The following CMIP variants were observed in gnomAD, a reference collection of about 807,000 sequenced individuals.
CMIP encodes c-Maf inducing protein.
A neutral mutation model predicts 97.3 loss-of-function variants in CMIP; 13 were observed. The observed-to-expected ratio is 0.13, with a 90% confidence interval of 0.09 to 0.21. The LOEUF (loss-of-function observed/expected upper bound fraction) is 0.21, where lower values mean the gene tolerates loss of function less well. Ranked by LOEUF, CMIP falls within the 10% of genes least tolerant of loss-of-function variation. The pLI is 1.00. For synonymous variants in CMIP, 538 were observed against 436.3 expected (o/e 1.23, Z -2.91); for missense variants, 847 against 1,024.9 (o/e 0.83, Z 2.37).
intron 1 of CMIP, among the ~76,000 whole-genome samples, chr16:81,503,161 C>G (rs971918609): frequency 6.6e-6 from 1 of 152,150 alleles, no homozygotes; most frequent in African/African-American, 2.4e-5. Flanking sequence ...CAATACTGTC[C>G]CAATTATACT....
At chr16:81,701,522 C>T in intron 15 of CMIP, 138 bp from the exon 16 acceptor site, 1 of 1,208,576 alleles carries the variant, frequency 8.3e-7, no homozygotes, top group Non-Finnish European at 1.2e-6. Flanking sequence ...GGTGATTTGC[C>T]CAGGCTTACA....
intron 10 of CMIP, among the ~76,000 whole-genome samples, chr16:81,683,756 C>CTTTTTTTTTTTTTT (rs71272426): frequency 7.4e-5 from 6 of 81,612 alleles, no homozygotes; most frequent in Non-Finnish European, 1.2e-4. Context: ...TTTTCTTTTT[C>CTTTTTTTTTTTTTT]TTTTTTTTTT....
rs2092443986 is a variant in CMIP at position 81,652,895 on chromosome 16, C to A, written c.639+531C>A. On this transcript the variant is annotated intron_variant, in intron 4 of 20. Transcript: ENST00000537098. This position sits in a 1 kb window ranked among gnomAD's most constrained non-coding sequence, Gnocchi z 5.2. ...CCTCCTGTGCCATCTGCTTTGCTGG[C>A]CTCCTCGCATATTGAATGTGTGCTT... Among the ~76,000 whole-genome samples, 2 of 152,258 alleles carry A rather than the reference C, an allele frequency of 1.3e-5. No homozygotes were observed. Among genetic ancestry groups the A allele is most frequent in the South Asian group, 2.1e-4 (1 of 4,824 alleles).
chr16:81,621,154 C>T lies in CMIP; in HGVS notation c.477+228C>T, dbSNP rs867269187. 2.0e-6 allele frequency: 1 copy of T among 492,462 alleles called. No homozygotes were observed. The highest frequency in any genetic ancestry group is 3.7e-6 in the Non-Finnish European group (1 of 272,504). The allele number at this position is 492,462 out of a possible 1,614,324, so 30.5% of individuals were successfully genotyped here. ...CATTCTCGCCCTGGTGTTCTCAAAC[C>T]CTATAGCTGTTTTCCTGCTTCAAAA... On this transcript the variant is annotated intron_variant, in intron 3 of 20. Coordinates refer to ENST00000537098, the MANE Select transcript of CMIP (RefSeq NM_198390.3). The surrounding 1 kb of genome is among the most constrained non-coding windows in gnomAD (Gnocchi z 4.1).
At chr16:81,582,318 GC>G (rs2091309897) in intron 1 of CMIP, among the ~76,000 whole-genome samples, 1 of 151,614 alleles carries the variant, frequency 6.6e-6, no homozygotes. Context: ...TATTTTTTTT[GC>G]CAACTTGCCA....
At chr16:81,526,121 T>C (rs2090129950) in intron 1 of CMIP, among the ~76,000 whole-genome samples, 1 of 152,198 alleles carries the variant, frequency 6.6e-6, no homozygotes, top group Non-Finnish European at 1.5e-5. Flanking sequence ...AGTATCTTTT[T>C]GCATCCCTGC....
intron 2 of CMIP, among the ~76,000 whole-genome samples, chr16:81,609,648 G>A (rs2091799245): frequency 6.6e-6 from 1 of 152,230 alleles, no homozygotes; most frequent in African/African-American, 2.4e-5. Context: ...GGCCTGGGGG[G>A]CCAAAGCAGG....
In CMIP at chr16:81,666,969, TG is replaced by T. The variant is rs35053029; in HGVS notation, c.825+2630del. On this transcript the variant is annotated intron_variant, in intron 7 of 20. Transcript: ENST00000537098. ...GTGGAGCTGGGGCTCTCAGCTGGTG[TG>T]GGGGGGGGGTCATGTCTCTGGCTAA... 4.0e-3 allele frequency: 559 copies of T among 139,874 alleles called. 4 individuals are homozygous for T. The highest frequency in any genetic ancestry group is 0.011 in the African/African-American group (414 of 37,424). The allele number at this position is 139,874 out of a possible 1,614,324, so 8.7% of individuals were successfully genotyped here.
At chr16:81,594,480 G>A (rs930051682) in intron 1 of CMIP, among the ~76,000 whole-genome samples, 8 of 151,858 alleles carry the variant, frequency 5.3e-5, no homozygotes, top group Non-Finnish European at 1.0e-4. Context: ...TGATTTCACC[G>A]TACAGCAGTC....
chr16:81,602,617 G>A (rs574583751), intron 1 of CMIP, among the ~76,000 whole-genome samples: 1 of 152,314 alleles, frequency 6.6e-6, no homozygotes, highest in South Asian at 2.1e-4. Context: ...CCATGGGTGT[G>A]ATTTCAGCCC....
chr16:81,626,788 AGT>A (rs1035341441), intron 3 of CMIP, among the ~76,000 whole-genome samples: 182 of 63,136 alleles, frequency 2.9e-3, no homozygotes, highest in South Asian at 6.3e-3. Context: ...AGAGAGAGAG[AGT>A]GTGTGTGTGT....
intron 3 of CMIP, among the ~76,000 whole-genome samples, chr16:81,649,955 A>ATT (rs893524503): frequency 1.5e-4 from 23 of 152,166 alleles, no homozygotes; most frequent in Non-Finnish European, 1.6e-4. Context: ...TTGCACAGAT[A>ATT]TTTCATCGTG....
chr16:81,685,688 G>A (rs866326987), intron 10 of CMIP, among the ~76,000 whole-genome samples: 31 of 150,900 alleles, frequency 2.1e-4, no homozygotes, highest in African/African-American at 7.3e-4. Flanking sequence ...GGGACTACAG[G>A]TGCACACCAC....
intron 1 of CMIP, among the ~76,000 whole-genome samples, chr16:81,606,729 T>C (rs1029288704): frequency 2.6e-5 from 4 of 152,046 alleles, no homozygotes; most frequent in Non-Finnish European, 5.9e-5. Flanking sequence ...CAACAGATAA[T>C]GACACAGAAT....
chr16:81,577,645 C>T (rs930441540), intron 1 of CMIP, among the ~76,000 whole-genome samples: 1 of 151,360 alleles, frequency 6.6e-6, no homozygotes, highest in Non-Finnish European at 1.5e-5. Context: ...CCATCATCAC[C>T]ATCACCTTCA....
rs748332193 is a variant in CMIP at position 81,445,586 on chromosome 16, C to G, written c.300+45C>G. 3.3e-5 allele frequency: 50 copies of G among 1,518,290 alleles called. No individual in the cohort carries two copies. The African/African-American group carries it at 4.7e-4, about 14-fold the overall frequency. 94.1% of individuals were successfully genotyped at this position (1,518,290 alleles called of 1,614,324 possible). ...TGCACCCCCGCCTCTCCTCGGGGCCCGAGATGCGCCCTCCCTGGCTGCCCC... is the reference window on the plus strand; with the variant it reads ...TGCACCCCCGCCTCTCCTCGGGGCCGGAGATGCGCCCTCCCTGGCTGCCCC... On this transcript the variant is annotated intron_variant, in intron 1 of 20. Coordinates refer to ENST00000537098, the MANE Select transcript of CMIP (RefSeq NM_198390.3).
intron 1 of CMIP, among the ~76,000 whole-genome samples, chr16:81,596,218 T>C (rs936745165): frequency 6.6e-6 from 1 of 152,080 alleles, no homozygotes; most frequent in South Asian, 2.1e-4. Flanking sequence ...TTTTAAAAAA[T>C]CTTTCGGCCA....
chr16:81,634,946 C>G (rs968101144), intron 3 of CMIP, among the ~76,000 whole-genome samples: 1 of 152,140 alleles, frequency 6.6e-6, no homozygotes, highest in Admixed American at 6.5e-5. Context: ...CAAGGGAAAT[C>G]CTTATTTGGG....
chr16:81,516,740 G>A (rs2089921766), intron 1 of CMIP, among the ~76,000 whole-genome samples: 2 of 152,258 alleles, frequency 1.3e-5, no homozygotes, highest in Admixed American at 1.3e-4. Flanking sequence ...GTACCACTGT[G>A]TCTGGGATGC....
Sources: allele counts gnomAD v4.1 joint callset (sites outside exome capture counted in the v4.1 genomes callset), GRCh38; gene constraint gnomAD v4.1.1; non-coding constraint Gnocchi (gnomAD v3.1); transcripts MANE v1.5; gene names NCBI Gene and HGNC (gene_info 2026-07-23, HGNC 2026-07-21).